TJP2: variants seen among roughly 807,000 people sequenced by gnomAD.
The protein encoded by TJP2 is tight junction protein 2, also known as Friedreich ataxia region gene X104 (tight junction protein ZO-2).
TJP2 carries 91 observed loss-of-function variants against 133.1 expected under a neutral mutation model. The observed-to-expected ratio is 0.68, with a 90% CI of 0.58 to 0.81. The LOEUF is 0.81. Among genes scored for constraint, TJP2 ranks in the 40% least tolerant of loss-of-function variants. TJP2 has a pLI of 0.00. For missense variants in TJP2, 1,541 were observed against 1,565.6 expected (o/e 0.98, Z 0.26); for synonymous variants, 592 against 583.4 (o/e 1.01, Z -0.21).
chr9:69,140,567 G>A (rs2133288557), intron 1 of TJP2, among the ~76,000 whole-genome samples: 1 of 152,274 alleles, frequency 6.6e-6, no homozygotes, highest in Middle Eastern at 3.4e-3. Context: ...TCACTACCAA[G>A]TTCCCAGTTC....
In TJP2 at chr9:69,205,232, G is replaced by A. The variant is rs4493966; in HGVS notation, c.61-7316G>A. On this transcript the variant is annotated intron_variant, in intron 1 of 22. Transcript: ENST00000377245. Reference sequence around the variant, plus strand: ...AAAAAGTTGAGGAGATGGAAAGGCCGTGTGAGTCCCTCTGCAAGCTCTCCC... The same window carrying A: ...AAAAAGTTGAGGAGATGGAAAGGCCATGTGAGTCCCTCTGCAAGCTCTCCC... 65,910 of 1,537,142 alleles carry A rather than the reference G, an allele frequency of 0.043. 2,525 individuals carry two copies. The highest frequency in any genetic ancestry group is 0.22 in the Admixed American group (11,014 of 50,972).
chr9:69,239,846 T>G, intron 16 of TJP2, 91 bp from the exon 17 acceptor site: 1 of 1,033,066 alleles, frequency 9.7e-7, no homozygotes, highest in Non-Finnish European at 1.5e-6. Context: ...ACAAGATATA[T>G]CTCATACAGC....
At chr9:69,222,563 A>G (rs913386017) in intron 5 of TJP2, among the ~76,000 whole-genome samples, 1 of 152,202 alleles carries the variant, frequency 6.6e-6, no homozygotes. Context: ...CTACCTCATG[A>G]GGGAGGACTC....
rs1232075308 is a variant in TJP2, at chr9:69,221,434, C to T, written c.890C>T (p.Pro297Leu). 1 of 1,591,404 alleles carries T rather than the reference C, an allele frequency of 6.3e-7. No homozygotes were observed. Among genetic ancestry groups the T allele is most frequent in the East Asian group, 2.3e-5 (1 of 43,888 alleles). Reference protein sequence around the residue: ...REHPHSRSPSPEPRGRPGPIG... With the variant: ...REHPHSRSPSLEPRGRPGPIG... The stretch of plus-strand genomic sequence containing the variant: ...CACCCGCACTCACGGAGCCCCAGCC[C>T]CGAGCCTAGGGGGCGGCCGGGGCCC... The change falls in exon 5 of 23, where the codon CCC becomes CTC. Residue 297 changes from proline to leucine, a missense_variant. Pro to Leu is a moderately conservative substitution (Grantham distance 98). Coordinates refer to ENST00000377245, the MANE Select transcript of TJP2 (RefSeq NM_004817.4).
At chr9:69,219,876 T>C (rs1051273965) in intron 4 of TJP2, among the ~76,000 whole-genome samples, 18 of 151,866 alleles carry the variant, frequency 1.2e-4, no homozygotes, top group Admixed American at 1.1e-3. Context: ...AAAATGGCAT[T>C]GGGCCAGGTT....
chr9:69,161,213 G>GAT (rs1353880850), intron 2 of TJP2, among the ~76,000 whole-genome samples: 2 of 139,218 alleles, frequency 1.4e-5, no homozygotes, highest in African/African-American at 2.9e-5. Context: ...GGTCATCAGT[G>GAT]ATGTGTGTGT....
chr9:69,235,639 A>AG (rs1056285263), intron 12 of TJP2, among the ~76,000 whole-genome samples: 10 of 152,188 alleles, frequency 6.6e-5, no homozygotes, highest in African/African-American at 2.4e-4. Flanking sequence ...CTCTTAATTG[A>AG]GAAGGGGTCT....
At chr9:69,173,283 C>T (rs1050122896), upstream of TJP2, among the ~76,000 whole-genome samples, 2 of 152,182 alleles carry the variant, frequency 1.3e-5, no homozygotes, top group Non-Finnish European at 2.9e-5. Flanking sequence ...TTTAAGATTT[C>T]AAACCCAAGG....
At chr9:69,245,460 A>T (rs1303534175) in intron 17 of TJP2, among the ~76,000 whole-genome samples, 1 of 152,198 alleles carries the variant, frequency 6.6e-6, no homozygotes, top group African/African-American at 2.4e-5. Context: ...TTGCTTGTCT[A>T]ATTTATCTCC....
At position 69,174,395 on chromosome 9, in the gene TJP2, G is replaced by C. The variant is rs373291069; in HGVS notation, c.23G>C (p.Gly8Ala). 1.2e-5 allele frequency: 19 copies of C among 1,551,878 alleles called. No homozygotes were observed. In the African/African-American group the frequency reaches 1.5e-4, roughly 12 times the overall value. Residue 8 changes from glycine (G) to alanine (A), a missense_variant, in exon 1 of 23, where the codon GGG becomes GCG. By Grantham distance (60) the Gly-to-Ala change is moderately conservative. Transcript: ENST00000377245. The part of the protein sequence containing the change: MPVRGDR[G>A]FPPRRELSGW... ...GAAATGCCGGTGCGAGGAGACCGCG[G>C]GTTTCCACCCCGGCGGGAGCTGTCA...
intron 1 of TJP2, among the ~76,000 whole-genome samples, chr9:69,203,592 C>T (rs944964116): frequency 4.8e-5 from 7 of 145,332 alleles, no homozygotes; most frequent in African/African-American, 1.0e-4. Context: ...GCATGAGCCA[C>T]GGTGCCCAGC....
At chr9:69,163,835 T>C (rs1824215222) in intron 2 of TJP2, among the ~76,000 whole-genome samples, 2 of 152,188 alleles carry the variant, frequency 1.3e-5, no homozygotes, top group Non-Finnish European at 1.5e-5. Context: ...AATTGTAATC[T>C]TTCTGTCTTG....
chr9:69,225,475 G>A, intron 6 of TJP2, 68 bp downstream of exon 6: 1 of 1,045,002 alleles, frequency 9.6e-7, no homozygotes, highest in Non-Finnish European at 1.5e-6. Flanking sequence ...TCCACATTCA[G>A]CACCCACACA....
intron 1 of TJP2, among the ~76,000 whole-genome samples, chr9:69,202,099 A>G (rs1437671588): frequency 6.6e-6 from 1 of 152,202 alleles, no homozygotes; most frequent in African/African-American, 2.4e-5. Context: ...AGTTTATAAA[A>G]AACAGAAATT....
intron 1 of TJP2, among the ~76,000 whole-genome samples, chr9:69,122,422 G>C (rs1822187045): frequency 6.6e-6 from 1 of 152,192 alleles, no homozygotes; most frequent in Non-Finnish European, 1.5e-5. Context: ...CGCGTGGTCC[G>C]CAAAACGGGG....
At chr9:69,139,352 G>A (rs930375556) in intron 1 of TJP2, among the ~76,000 whole-genome samples, 10 of 152,174 alleles carry the variant, frequency 6.6e-5, no homozygotes, top group African/African-American at 1.9e-4. Flanking sequence ...TTGGAGATGC[G>A]GTGTTTATAG....
upstream of TJP2, among the ~76,000 whole-genome samples, chr9:69,173,602 C>T (rs1346611340): frequency 6.6e-6 from 1 of 152,170 alleles, no homozygotes; most frequent in Non-Finnish European, 1.5e-5. Context: ...CATCTTATAA[C>T]CCTCGGAATT....
chr9:69,148,788 G>C (rs993924365), intron 1 of TJP2, among the ~76,000 whole-genome samples: 1 of 152,150 alleles, frequency 6.6e-6, no homozygotes, highest in Non-Finnish European at 1.5e-5. Context: ...ACTGAGTATT[G>C]CAAGTTCATT....
intron 19 of TJP2, chr9:69,248,978 A>G: frequency 1.0e-6 from 1 of 991,504 alleles, no homozygotes; most frequent in Non-Finnish European, 1.2e-6. Flanking sequence ...ACCAAAAAAA[A>G]AAAAAAAAAA....
Sources: allele counts gnomAD v4.1 joint callset (sites outside exome capture counted in the v4.1 genomes callset), GRCh38; gene constraint gnomAD v4.1.1; transcripts MANE v1.5; gene names NCBI Gene and HGNC (gene_info 2026-07-23, HGNC 2026-07-21).